The following GCSAML variants were observed in gnomAD, a reference collection of about 807,000 sequenced individuals.
GCSAML encodes the protein germinal center-associated signaling and motility-like protein.
Under a neutral mutation model 13.0 loss-of-function variants are expected in GCSAML, and 9 were observed. That is an observed-to-expected ratio of 0.69 (90% CI 0.42 to 1.21). The LOEUF is 1.21. Ranked by LOEUF, GCSAML falls within the 50% of genes most tolerant of loss-of-function variation. GCSAML has a pLI of 0.00. For missense variants in GCSAML, 143 were observed against 153.4 expected, an observed-to-expected ratio of 0.93 and a Z score of 0.36; for synonymous variants, 37 against 52.9, an observed-to-expected ratio of 0.70 and a Z score of 1.31.
At position 247,577,445 on chromosome 1, in the gene GCSAML, G is replaced by A. The variant is rs528023652; in HGVS notation, c.*3063G>A. On this transcript the variant is annotated 3_prime_UTR_variant, in exon 5 of 5. Coordinates refer to ENST00000366488, the MANE Select transcript of GCSAML (RefSeq NM_145278.5). ...ATAATTATAACTGTTCTAGATATTT[G>A]TAGCAATGTACCCTTTCCATATTTA... 3.3e-5 allele frequency: 5 copies of A among 152,216 alleles called. 1 individual carries two copies. In the South Asian group the frequency reaches 1.0e-3, roughly 32 times the overall value. 9.4% of individuals were successfully genotyped at this position (152,216 alleles called of 1,614,324 possible).
At chr1:247,531,329 A>C in intron 2 of GCSAML, 1 of 582,300 alleles carries the variant, frequency 1.7e-6, no homozygotes, top group Non-Finnish European at 3.0e-6. Flanking sequence ...GTGTATATAT[A>C]GCAAAAACCA....
intron 1 of GCSAML, among the ~76,000 whole-genome samples, chr1:247,512,411 AC>A (rs1318925584): frequency 1.3e-5 from 2 of 151,372 alleles, no homozygotes; most frequent in African/African-American, 4.9e-5. Flanking sequence ...AATTCCTCTA[AC>A]CTTTTTTCAA....
intron 1 of GCSAML, among the ~76,000 whole-genome samples, chr1:247,521,111 G>A (rs1363291399): frequency 1.2e-5 from 1 of 86,758 alleles, no homozygotes; most frequent in Non-Finnish European, 2.4e-5. Flanking sequence ...TTACATTCTT[G>A]CATTTTTTTT....
intron 1 of GCSAML, chr1:247,507,367 CAAG>C (rs761826394): frequency 7.9e-5 from 12 of 152,044 alleles, no homozygotes; most frequent in Non-Finnish European, 1.2e-4. Context: ...GGAAATTATT[CAAG>C]AAGAAATAGA....
At chr1:247,510,503 C>T (rs962986751) in intron 1 of GCSAML, among the ~76,000 whole-genome samples, 5 of 152,034 alleles carry the variant, frequency 3.3e-5, no homozygotes, top group Non-Finnish European at 7.4e-5. Context: ...TCTCTATCTC[C>T]TTTAGTTCTG....
chr1:247,518,999 A>G (rs902346297), intron 1 of GCSAML, among the ~76,000 whole-genome samples: 2 of 151,842 alleles, frequency 1.3e-5, no homozygotes, highest in East Asian at 3.9e-4. Context: ...TAAAAAAAGA[A>G]AAAAGCGCCG....
At chr1:247,553,664 A>G (rs1330602332) in intron 1 of GCSAML, among the ~76,000 whole-genome samples, 4 of 152,282 alleles carry the variant, frequency 2.6e-5, no homozygotes, top group African/African-American at 9.6e-5. Flanking sequence ...TCACAGATGC[A>G]ATCAGAGTGC....
At chr1:247,519,933 T>C (rs1666355966) in intron 1 of GCSAML, among the ~76,000 whole-genome samples, 3 of 152,224 alleles carry the variant, frequency 2.0e-5, no homozygotes, top group Admixed American at 2.0e-4. Flanking sequence ...ATGATGATGA[T>C]ATGTTGACAG....
At chr1:247,555,952 T>C (rs769779112) in intron 1 of GCSAML, among the ~76,000 whole-genome samples, 17 of 152,364 alleles carry the variant, frequency 1.1e-4, no homozygotes, top group Non-Finnish European at 2.4e-4. Context: ...TGCACATGGA[T>C]GCCCACATGC....
intron 2 of GCSAML, among the ~76,000 whole-genome samples, chr1:247,539,884 A>G (rs1204846545): frequency 6.6e-6 from 1 of 152,182 alleles, no homozygotes; most frequent in African/African-American, 2.4e-5. Context: ...GTTGTTTCAT[A>G]ATCCATGAGT....
chr1:247,531,936 A>G (rs1666985419), intron 2 of GCSAML: 3 of 1,614,172 alleles, frequency 1.9e-6, no homozygotes, highest in Non-Finnish European at 2.5e-6. Flanking sequence ...TGAGGCTGGT[A>G]TCCACACAAG....
chr1:247,550,605 C>G (rs1222835977), intron 1 of GCSAML, among the ~76,000 whole-genome samples: 2 of 151,944 alleles, frequency 1.3e-5, no homozygotes, highest in Admixed American at 6.6e-5. Flanking sequence ...CCACTGCACT[C>G]CAGCCTGGGC....
At chr1:247,507,871 C>T (rs139387012) in intron 1 of GCSAML, among the ~76,000 whole-genome samples, 3,690 of 152,164 alleles carry the variant, frequency 0.024, 148 homozygotes, top group African/African-American at 0.084. Context: ...TGCATAGTAT[C>T]CCATGGTGTA....
At chr1:247,521,899 G>A (rs569088087) in intron 1 of GCSAML, among the ~76,000 whole-genome samples, 18 of 151,850 alleles carry the variant, frequency 1.2e-4, no homozygotes, top group South Asian at 1.0e-3. Context: ...AGTGAGGAGC[G>A]CCTCTTCCTG....
At chr1:247,515,356 C>A (rs775267890) in intron 1 of GCSAML, among the ~76,000 whole-genome samples, 14 of 152,166 alleles carry the variant, frequency 9.2e-5, no homozygotes, top group Non-Finnish European at 1.6e-4. Context: ...GCAACAGTAA[C>A]TTTAATTTTT....
At chr1:247,542,403 T>C (rs1368868072) in intron 2 of GCSAML, among the ~76,000 whole-genome samples, 5 of 152,354 alleles carry the variant, frequency 3.3e-5, no homozygotes, top group Non-Finnish European at 1.5e-5. Context: ...AGGAGCAGCA[T>C]ATGGAAAAGG....
intron 2 of GCSAML, chr1:247,532,615 AT>A (rs1200115826): frequency 4.7e-6 from 5 of 1,055,452 alleles, no homozygotes; most frequent in Non-Finnish European, 6.8e-6. Flanking sequence ...TTAAAAGTGT[AT>A]TTTAGTTCAT....
At chr1:247,566,904 C>G (rs1313858730) in intron 4 of GCSAML, among the ~76,000 whole-genome samples, 1 of 151,592 alleles carries the variant, frequency 6.6e-6, no homozygotes, top group Non-Finnish European at 1.5e-5. Flanking sequence ...TCATTACTTA[C>G]TGAGGTCTGA....
chr1:247,536,870 A>T (rs1035960606), intron 2 of GCSAML, among the ~76,000 whole-genome samples: 2 of 152,064 alleles, frequency 1.3e-5, no homozygotes, highest in Admixed American at 6.5e-5. Flanking sequence ...CTCTTTTTTT[A>T]AAAAAACCAT....
Sources: allele counts gnomAD v4.1 joint callset (sites outside exome capture counted in the v4.1 genomes callset), GRCh38; gene constraint gnomAD v4.1.1; transcripts MANE v1.5; gene names NCBI Gene and HGNC (gene_info 2026-07-23, HGNC 2026-07-21).